RAB27B: variants seen among roughly 807,000 people sequenced by gnomAD.
RAB27B encodes the protein RAB27B, member RAS oncogene family.
A neutral mutation model predicts 24.6 loss-of-function variants in RAB27B; 15 were observed. That is an observed-to-expected ratio of 0.61 (90% CI 0.41 to 0.94). The LOEUF (loss-of-function observed/expected upper bound fraction) is 0.94, where lower values mean the gene tolerates loss of function less well. Ranked by LOEUF, RAB27B falls within the 40% of genes least tolerant of loss-of-function variation. The pLI is 0.00. For synonymous variants in RAB27B, 105 were observed against 92.5 expected (o/e 1.14, Z -0.78); for missense variants, 261 against 266.8 (o/e 0.98, Z 0.15).
At position 54,872,634 on chromosome 18, in the gene RAB27B, AAAAAAAG is replaced by A. The variant is rs1265549364; in HGVS notation, c.-19-4920_-19-4914del. On this transcript the variant is annotated intron_variant, in intron 1 of 5. Transcript: ENST00000262094. ...GAGTGAAACTCTGCCTTAAAAAAAA[AAAAAAAG>A]AAAAAAGAAAAATGAACTCAGGAAG... 2.7e-3 allele frequency among the ~76,000 whole-genome samples: 413 copies of A among 151,782 alleles called. 1 individual carries two copies. The highest frequency in any genetic ancestry group is 9.5e-3 in the African/African-American group (395 of 41,370).
chr18:54,740,176 G>A (rs1833293), intron 2 of RAB27B, among the ~76,000 whole-genome samples: 67,971 of 151,938 alleles, frequency 0.45, 17,073 homozygotes, highest in Middle Eastern at 0.58. Context: ...TTAAAATTCA[G>A]TTACTTGATT....
At chr18:54,833,678 T>G (rs990156095) in intron 1 of RAB27B, among the ~76,000 whole-genome samples, 5 of 152,218 alleles carry the variant, frequency 3.3e-5, no homozygotes, top group African/African-American at 1.2e-4. Context: ...GCAGAAGTTG[T>G]CAAGAGGACC....
At chr18:54,882,592 A>G (rs1415660944) in intron 3 of RAB27B, among the ~76,000 whole-genome samples, 2 of 152,204 alleles carry the variant, frequency 1.3e-5, no homozygotes, top group Non-Finnish European at 2.9e-5. Context: ...TGCACAATGT[A>G]TGAGTGAGTG....
At chr18:54,821,199 A>T (rs1489052155) in intron 2 of RAB27B, among the ~76,000 whole-genome samples, 1 of 152,248 alleles carries the variant, frequency 6.6e-6, no homozygotes, top group Non-Finnish European at 1.5e-5. Flanking sequence ...CTCAGGATAC[A>T]AAATCAATGT....
chr18:54,799,783 C>T (rs908699812), intron 2 of RAB27B, among the ~76,000 whole-genome samples: 38 of 151,928 alleles, frequency 2.5e-4, no homozygotes, highest in African/African-American at 9.2e-4. Flanking sequence ...GCGTCCACCA[C>T]CACACCTGGC....
rs1228097961 is a variant in RAB27B at position 54,891,185 on chromosome 18, CACAG to C, written c.*1778_*1781del. On this transcript the variant is annotated 3_prime_UTR_variant, in exon 6 of 6. Coordinates refer to ENST00000262094, the MANE Select transcript of RAB27B (RefSeq NM_004163.4). ...TCTGGTATTGAATCAGTTTCAGAAA[CACAG>C]ACAGATCCAAGGAAATGTCTCTTTA... 4 of 152,076 alleles carry C rather than the reference CACAG, an allele frequency of 2.6e-5. No homozygotes were observed. The highest frequency in any genetic ancestry group is 4.8e-5 in the African/African-American group (2 of 41,420). The allele number at this position is 152,076 out of a possible 1,614,324, so 9.4% of individuals were successfully genotyped here.
chr18:54,877,671 A>G lies in RAB27B; in HGVS notation c.86A>G (p.Tyr29Cys), dbSNP rs752620773. 6.3e-7 allele frequency: 1 copy of G among 1,596,934 alleles called. No homozygotes were observed. The highest frequency in any genetic ancestry group is 1.8e-5 in the Admixed American group (1 of 54,752). Reference protein sequence around the residue: ...GVGKTTFLYRYTDNKFNPKFI... With the variant: ...GVGKTTFLYRCTDNKFNPKFI... ...GGGAAGACAACATTTCTTTATAGAT[A>G]CACAGATAATAAATTCAATCCCAAA... The change falls in exon 2 of 6, where the codon TAC (tyrosine) becomes TGC (cysteine). Residue 29 changes from tyrosine to cysteine, a missense_variant. By Grantham distance (194) the Tyr-to-Cys change is radical. Coordinates refer to ENST00000262094, the MANE Select transcript of RAB27B (RefSeq NM_004163.4).
intron 2 of RAB27B, among the ~76,000 whole-genome samples, chr18:54,809,408 T>C (rs1477581166): frequency 6.6e-6 from 1 of 152,130 alleles, no homozygotes; most frequent in Non-Finnish European, 1.5e-5. Flanking sequence ...ACCACATGCC[T>C]CAGGGAGCAC....
upstream of RAB27B, among the ~76,000 whole-genome samples, chr18:54,823,792 G>T (rs1910385958): frequency 6.6e-6 from 1 of 152,022 alleles, no homozygotes; most frequent in African/African-American, 2.4e-5. Context: ...TTTCTCTATA[G>T]AACAAATATC....
rs145113856 is a variant in RAB27B at position 54,752,808 on chromosome 18, C to A, written c.-20+34667C>A. 3.9e-5 allele frequency among the ~76,000 whole-genome samples: 6 copies of A among 152,286 alleles called. No individual in the cohort carries two copies. The East Asian group carries it at 1.2e-3, about 29-fold the overall frequency. ...TCCCACCATGGAAGAGTTCCACCAG[C>A]TGCATATTTATAGTTGCCTGCCTTG... On this transcript the variant is annotated intron_variant, in intron 2 of 4. Coordinates refer to the RAB27B transcript ENST00000586570.
intron 2 of RAB27B, among the ~76,000 whole-genome samples, chr18:54,726,087 T>A (rs1909528524): frequency 6.6e-6 from 1 of 151,562 alleles, no homozygotes; most frequent in African/African-American, 2.4e-5. Flanking sequence ...ACAGACTGTA[T>A]TTTTATAAGC....
intron 1 of RAB27B, among the ~76,000 whole-genome samples, chr18:54,848,706 C>T (rs1226527548): frequency 1.3e-5 from 2 of 152,124 alleles, no homozygotes; most frequent in Non-Finnish European, 2.9e-5. Flanking sequence ...GAATATAATG[C>T]ATTCTGGAAA....
chr18:54,881,489 A>G (rs1912922787), intron 3 of RAB27B, among the ~76,000 whole-genome samples: 2 of 152,176 alleles, frequency 1.3e-5, no homozygotes, highest in African/African-American at 4.8e-5. Context: ...CCAGTCGGCC[A>G]TATCGGTTCC....
At chr18:54,750,985 G>A (rs534451836) in intron 2 of RAB27B, among the ~76,000 whole-genome samples, 14 of 152,274 alleles carry the variant, frequency 9.2e-5, no homozygotes, top group Non-Finnish European at 1.5e-4. Flanking sequence ...GCAGAGAGTA[G>A]AAAGTTGTAA....
chr18:54,876,651 T>C (rs1238665065), intron 1 of RAB27B, among the ~76,000 whole-genome samples: 1 of 152,022 alleles, frequency 6.6e-6, no homozygotes, highest in Non-Finnish European at 1.5e-5. Flanking sequence ...ATTCTCGGTG[T>C]TACTGGTACA....
intron 1 of RAB27B, among the ~76,000 whole-genome samples, chr18:54,840,975 C>T (rs1301435950): frequency 2.0e-5 from 3 of 151,884 alleles, no homozygotes; most frequent in East Asian, 1.9e-4. Context: ...GGTGAAACCC[C>T]GTCTCTACCA....
intron 2 of RAB27B, among the ~76,000 whole-genome samples, chr18:54,719,342 G>A (rs1909288438): frequency 6.6e-6 from 1 of 151,958 alleles, no homozygotes; most frequent in South Asian, 2.1e-4. Flanking sequence ...AACAAAAGAG[G>A]GGCAGAGGAT....
chr18:54,794,352 A>G (rs1909348113), intron 2 of RAB27B, among the ~76,000 whole-genome samples: 1 of 152,338 alleles, frequency 6.6e-6, no homozygotes, highest in African/African-American at 2.4e-5. Context: ...ATTATCAATG[A>G]CATTTCAGTA....
intron 2 of RAB27B, among the ~76,000 whole-genome samples, chr18:54,817,305 T>C (rs1277159291): frequency 6.6e-6 from 1 of 152,188 alleles, no homozygotes; most frequent in Non-Finnish European, 1.5e-5. Context: ...TTATCACGTA[T>C]CTTTGGCAGA....
Sources: gnomAD v4.1 joint callset for allele counts (sites outside exome capture counted in the v4.1 genomes callset) on GRCh38, gnomAD v4.1.1 for gene constraint, MANE v1.5 for transcripts, NCBI Gene and HGNC (gene_info 2026-07-23, HGNC 2026-07-21) for gene names.